Variants in RANGAP1 observed in about 807,000 individuals in gnomAD.
RANGAP1 encodes the protein ran GTPase-activating protein 1.
RANGAP1 carries 38 observed loss-of-function variants against 63.5 expected under a neutral mutation model. That is an observed-to-expected ratio of 0.60 (90% CI 0.46 to 0.78). RANGAP1 has a LOEUF of 0.78. Ranked by LOEUF, RANGAP1 falls within the 30% of genes least tolerant of loss-of-function variation. The pLI, the probability that RANGAP1 is intolerant of heterozygous loss-of-function variation, is 0.00. For missense variants in RANGAP1, 630 were observed against 740.3 expected (o/e 0.85, Z 1.73); for synonymous variants, 329 against 310.5 (o/e 1.06, Z -0.63).
At chr22:41,300,479 C>CACAT in the RANGAP1 span, among the ~76,000 whole-genome samples, 1 of 28,636 alleles carries the variant, frequency 3.5e-5, no homozygotes, top group African/African-American at 1.6e-4. Context: ...CACACACACA[C>CACAT]ATATATTTCT....
At chr22:41,289,465 T>A (rs1275188043), upstream of RANGAP1, among the ~76,000 whole-genome samples, 1 of 151,548 alleles carries the variant, frequency 6.6e-6, no homozygotes, top group Non-Finnish European at 1.5e-5. Context: ...CTACTAAAAA[T>A]ACAAAAAATT....
At chr22:41,272,065 A>G (rs755314559) in intron 3 of RANGAP1, among the ~76,000 whole-genome samples, 2 of 152,214 alleles carry the variant, frequency 1.3e-5, no homozygotes, top group Non-Finnish European at 2.9e-5. Context: ...CCTATTTCAT[A>G]TAAGAGCCCA....
intron 15 of RANGAP1, among the ~76,000 whole-genome samples, chr22:41,247,587 A>T (rs1240022711): frequency 6.6e-6 from 1 of 152,120 alleles, no homozygotes. Flanking sequence ...CCCGGGCTCA[A>T]GTGATCCAGT....
chr22:41,286,466 G>A (rs1187336693), upstream of RANGAP1, among the ~76,000 whole-genome samples: 2 of 152,250 alleles, frequency 1.3e-5, no homozygotes, highest in Non-Finnish European at 2.9e-5. Flanking sequence ...TCAGCCGGGA[G>A]CGCCCAGAGA....
intron 15 of RANGAP1, among the ~76,000 whole-genome samples, 182 bp from the exon 16 acceptor site, chr22:41,246,854 G>A (rs927322297): frequency 2.0e-5 from 3 of 152,218 alleles, no homozygotes; most frequent in Non-Finnish European, 1.5e-5. Context: ...GGCTCAGAGA[G>A]CCAGGCACCC....
intron 15 of RANGAP1, among the ~76,000 whole-genome samples, chr22:41,248,279 A>C (rs1338476186): frequency 1.3e-5 from 2 of 152,152 alleles, no homozygotes; most frequent in Non-Finnish European, 2.9e-5. Flanking sequence ...GGGAACAGTG[A>C]GATCTGCCAT....
intron 11 of RANGAP1, 32 bp downstream of exon 11, chr22:41,254,276 G>A: frequency 6.2e-7 from 1 of 1,613,508 alleles, no homozygotes; most frequent in Non-Finnish European, 8.5e-7. Context: ...TCAGGACCAG[G>A]GCTCTGATTG....
chr22:41,285,144 G>A (rs1476028472), intron 1 of RANGAP1: 2 of 152,086 alleles, frequency 1.3e-5, no homozygotes, highest in East Asian at 1.9e-4. Context: ...GTGACAGAAG[G>A]AGACCGTCTC....
the RANGAP1 span, among the ~76,000 whole-genome samples, chr22:41,295,712 A>G: frequency 6.8e-6 from 1 of 146,544 alleles, no homozygotes; most frequent in African/African-American, 2.5e-5. Context: ...AAAAAAAAAA[A>G]GAAAGAAAAA....
In RANGAP1 at chr22:41,246,669, G is replaced by A. The variant is rs1190945128; in HGVS notation, c.1698C>T (p.Pro566=). ...APLLLAFVTK[P]NSALESCSFA... is the part of the protein sequence containing the mutation. ...AGGAGCAGGATTCCAGGGCGCTGTT[G>A]GGCCTGCGGGGAAAGAGGGGTCAGC... The change falls in exon 16 of 16, where the codon CCC becomes CCT. Residue 566 remains proline (P), a synonymous_variant. Transcript: ENST00000356244. 1.0e-5 allele frequency: 16 copies of A among 1,562,104 alleles called. No individual in the cohort carries two copies. The highest frequency in any genetic ancestry group is 1.4e-5 in the Non-Finnish European group (16 of 1,151,778).
At chr22:41,293,394 G>A in the RANGAP1 span, among the ~76,000 whole-genome samples, 9 of 152,038 alleles carry the variant, frequency 5.9e-5, no homozygotes, top group Admixed American at 2.6e-4. Flanking sequence ...CCTAGGCAAC[G>A]GAGGGAGAAC....
At chr22:41,271,382 T>G (rs1366149135) in intron 3 of RANGAP1, among the ~76,000 whole-genome samples, 2 of 102,828 alleles carry the variant, frequency 1.9e-5, no homozygotes, top group East Asian at 3.0e-4. Context: ...CGTGAAACTG[T>G]CTCTAAAAAA....
intron 3 of RANGAP1, among the ~76,000 whole-genome samples, chr22:41,268,419 C>T (rs983817809): frequency 6.6e-6 from 1 of 152,052 alleles, no homozygotes; most frequent in African/African-American, 2.4e-5. Flanking sequence ...CTATGCCTGG[C>T]AAATTTTGTA....
At chr22:41,301,753 G>A in the RANGAP1 span, 1 of 152,028 alleles carries the variant, frequency 6.6e-6, no homozygotes, top group Non-Finnish European at 1.5e-5. Context: ...CAGGCCCGCG[G>A]GGAGCGCAGC....
At chr22:41,290,934 G>C (rs2035831324), upstream of RANGAP1, among the ~76,000 whole-genome samples, 1 of 152,202 alleles carries the variant, frequency 6.6e-6, no homozygotes, top group Non-Finnish European at 1.5e-5. Flanking sequence ...CCCCTGGAGA[G>C]AGATGGGTCA....
chr22:41,271,650 C>T (rs1357858804), intron 3 of RANGAP1, among the ~76,000 whole-genome samples: 1 of 150,430 alleles, frequency 6.6e-6, no homozygotes, highest in African/African-American at 2.5e-5. Context: ...GCTGAGATCA[C>T]GCCACTGCAC....
At chr22:41,262,555 G>C (rs890449711) in intron 5 of RANGAP1, among the ~76,000 whole-genome samples, 1 of 152,078 alleles carries the variant, frequency 6.6e-6, no homozygotes, top group Non-Finnish European at 1.5e-5. Context: ...CGCACATGGC[G>C]GGTGGGTTGG....
At chr22:41,263,966 G>A (rs866336898) in intron 5 of RANGAP1, among the ~76,000 whole-genome samples, 4 of 152,342 alleles carry the variant, frequency 2.6e-5, no homozygotes, top group Middle Eastern at 3.4e-3. Flanking sequence ...AGTGTGGGTG[G>A]GAAAAGTTAA....
rs192267135 is a variant in RANGAP1, at chr22:41,277,321, G to A, written c.113-2594C>T. ...TCTCGATCTCCTGACCTCGTGATCC[G>A]CCCGCCTCGGCCTCCCAAACTGCTG... On this transcript the variant is annotated intron_variant, in intron 2 of 15. Coordinates refer to ENST00000356244, the MANE Select transcript of RANGAP1 (RefSeq NM_002883.4). Among the ~76,000 whole-genome samples the A allele has an allele frequency of 9.6e-3, 1,466 of 151,964 alleles. 67 individuals carry two copies. The highest frequency in any genetic ancestry group is 0.079 in the Admixed American group (1,200 of 15,242).
Sources: allele counts gnomAD v4.1 joint callset (sites outside exome capture counted in the v4.1 genomes callset), GRCh38; gene constraint gnomAD v4.1.1; transcripts MANE v1.5; gene names NCBI Gene and HGNC (gene_info 2026-07-23, HGNC 2026-07-21).